SLA: variants seen among roughly 807,000 people sequenced by gnomAD.
SLA encodes the protein Src like adaptor.
SLA carries 16 observed loss-of-function variants against 30.3 expected under a neutral mutation model. That is an observed-to-expected ratio of 0.53 (90% confidence interval 0.36 to 0.80). The LOEUF is 0.80. SLA is among the 30% of genes least tolerant of loss of function. The pLI is 0.01. For missense variants in SLA, 310 were observed against 345.2 expected, an observed-to-expected ratio of 0.90 and a Z score of 0.81; for synonymous variants, 143 against 137.8, an observed-to-expected ratio of 1.04 and a Z score of -0.26.
intron 1 of SLA, among the ~76,000 whole-genome samples, chr8:133,079,418 G>A (rs1231307635): frequency 1.3e-5 from 2 of 152,162 alleles, no homozygotes; most frequent in South Asian, 2.1e-4. Context: ...GTTCCCCTAT[G>A]TAAAAACTAG....
At chr8:133,094,459 C>A (rs1489694800) in intron 1 of SLA, among the ~76,000 whole-genome samples, 2 of 152,006 alleles carry the variant, frequency 1.3e-5, no homozygotes. Flanking sequence ...CCAGGATGGT[C>A]TCGATCTCCT....
At chr8:133,066,835 G>A (rs1338898699) in intron 2 of SLA, among the ~76,000 whole-genome samples, 4 of 152,322 alleles carry the variant, frequency 2.6e-5, no homozygotes, top group Non-Finnish European at 5.9e-5. Context: ...TTGGTAAATG[G>A]CAGCTAAAAA....
At chr8:133,042,111 G>A (rs563475490) in intron 7 of SLA, among the ~76,000 whole-genome samples, 26 of 152,062 alleles carry the variant, frequency 1.7e-4, no homozygotes, top group Admixed American at 3.3e-4. Context: ...ACCCATTTTG[G>A]GGAGGGAAAA....
At chr8:133,092,744 C>G (rs1400822446) in intron 1 of SLA, among the ~76,000 whole-genome samples, 1 of 152,168 alleles carries the variant, frequency 6.6e-6, no homozygotes, top group Non-Finnish European at 1.5e-5. Context: ...ACAGCAACTC[C>G]CCTCCTGCCC....
At position 133,049,893 on chromosome 8, in the gene SLA, T is replaced by C. The variant is rs1206571654; in HGVS notation, c.248+9A>G. 5.1e-6 allele frequency: 8 copies of C among 1,568,268 alleles called. No homozygotes were observed. The highest frequency in any genetic ancestry group is 7.0e-6 in the Non-Finnish European group (8 of 1,138,102). ...TGCTTAATTGCTGCCATTTGAGAAATGTACTCACCCATGGTAAACTCTGGC... is the reference window on the plus strand; with the variant it reads ...TGCTTAATTGCTGCCATTTGAGAAACGTACTCACCCATGGTAAACTCTGGC... On this transcript the variant is annotated intron_variant, in intron 5 of 8. Coordinates refer to ENST00000338087, the MANE Select transcript of SLA (RefSeq NM_001045556.3).
intron 2 of SLA, among the ~76,000 whole-genome samples, chr8:133,067,941 AAG>A (rs1408170903): frequency 5.9e-5 from 9 of 151,428 alleles, no homozygotes; most frequent in East Asian, 1.9e-4. Context: ...GAAAGAAAGA[AAG>A]AGAGAAAGAA....
chr8:133,090,874 A>G (rs1847399049), intron 1 of SLA, among the ~76,000 whole-genome samples: 1 of 151,586 alleles, frequency 6.6e-6, no homozygotes, highest in Admixed American at 6.6e-5. Context: ...CTCACCCCGC[A>G]CCCCCCGGGA....
intron 4 of SLA, chr8:133,050,246 G>A: frequency 2.0e-6 from 1 of 511,570 alleles, no homozygotes. Flanking sequence ...TCAGGGATTA[G>A]CAGCTAATGT....
intron 2 of SLA, among the ~76,000 whole-genome samples, chr8:133,064,528 G>A (rs1051424817): frequency 6.6e-6 from 1 of 152,132 alleles, no homozygotes; most frequent in African/African-American, 2.4e-5. Context: ...TCACATCTCC[G>A]GACTTCAGGA....
At chr8:133,040,263 G>T in intron 7 of SLA, 133 bp from the exon 8 acceptor site, 1 of 952,556 alleles carries the variant, frequency 1.0e-6, no homozygotes, top group Non-Finnish European at 1.5e-6. Context: ...ATTTCAAAGG[G>T]GCATGGTAGG....
intron 3 of SLA, among the ~76,000 whole-genome samples, chr8:133,055,883 T>G (rs1841357931): frequency 6.6e-6 from 1 of 151,602 alleles, no homozygotes. Flanking sequence ...GGCGCACAGC[T>G]CTGGGGGGAA....
chr8:133,070,289 A>G (rs1843802830), intron 2 of SLA, among the ~76,000 whole-genome samples: 1 of 152,194 alleles, frequency 6.6e-6, no homozygotes. Flanking sequence ...CCGCATCCAG[A>G]CACCACTGGA....
chr8:133,041,931 T>C (rs945996852), intron 7 of SLA, among the ~76,000 whole-genome samples: 1 of 151,682 alleles, frequency 6.6e-6, no homozygotes, highest in African/African-American at 2.4e-5. Context: ...GGGATTACAG[T>C]TGCATGCCAC....
intron 1 of SLA, among the ~76,000 whole-genome samples, chr8:133,078,965 A>G (rs896622509): frequency 2.6e-5 from 4 of 152,144 alleles, no homozygotes; most frequent in Admixed American, 6.5e-5. Context: ...GGGCCAGTAG[A>G]GGAGACCAAG....
At chr8:133,039,859 C>T in intron 8 of SLA, 139 bp downstream of exon 8, 6 of 1,430,004 alleles carry the variant, frequency 4.2e-6, no homozygotes, top group Non-Finnish European at 4.7e-6. Flanking sequence ...TGCTCACCCC[C>T]CAGTTTCAGC....
chr8:133,073,402 CTGGAGTGCAG>C (rs1844370986), intron 2 of SLA: 1 of 152,110 alleles, frequency 6.6e-6, no homozygotes, highest in South Asian at 2.1e-4. Flanking sequence ...GTTGCCCAGG[CTGGAGTGCAG>C]TGGCACCATC....
chr8:133,074,643 T>G (rs1294760646), intron 2 of SLA, among the ~76,000 whole-genome samples: 1 of 152,198 alleles, frequency 6.6e-6, no homozygotes, highest in East Asian at 1.9e-4. Context: ...CCTCCAGCCC[T>G]TCTCTCCACA....
chr8:133,087,427 T>C (rs1588051360), intron 1 of SLA, among the ~76,000 whole-genome samples: 1 of 152,132 alleles, frequency 6.6e-6, no homozygotes, highest in East Asian at 1.9e-4. Flanking sequence ...AACCACCTCC[T>C]TCCTCCCTCG....
Position 133,040,150 on chromosome 8 carries a change from G to A in SLA, c.485-20C>T, listed in dbSNP as rs746659275. ...CCACCTCTGAGGAGGGAAGCAGACA[G>A]CCGGTCAGGGACCCTGGGGACGCCT... On this transcript the variant is annotated intron_variant, in intron 7 of 8. Transcript: ENST00000338087. 6.4e-7 allele frequency: 1 copy of A among 1,574,620 alleles called. No homozygotes were observed.
Sources: gnomAD v4.1 joint callset for allele counts (sites outside exome capture counted in the v4.1 genomes callset) on GRCh38, gnomAD v4.1.1 for gene constraint, MANE v1.5 for transcripts, NCBI Gene and HGNC (gene_info 2026-07-23, HGNC 2026-07-21) for gene names.